The following PTPRQ variants were observed in gnomAD, a reference collection of about 807,000 sequenced individuals.
PTPRQ encodes the protein phosphatidylinositol phosphatase PTPRQ.
Under a neutral mutation model 246.0 loss-of-function variants are expected in PTPRQ, and 199 were observed. That is an observed-to-expected ratio of 0.81 (90% confidence interval 0.72 to 0.91). PTPRQ has a LOEUF of 0.91. Ranked by LOEUF, PTPRQ falls within the 40% of genes least tolerant of loss-of-function variation. The probability of loss-of-function intolerance (pLI) is 0.00; values close to 1 mark genes in which losing one functional copy is unlikely to be tolerated. For synonymous variants in PTPRQ, 869 were observed against 853.2 expected (o/e 1.02, Z -0.32); for missense variants, 2,624 against 2,528.4 (o/e 1.04, Z -0.81).
At chr12:80,533,967 G>A (rs764425546) in intron 17 of PTPRQ, 48 bp from the exon 18 acceptor site, 150 of 1,351,814 alleles carry the variant, frequency 1.1e-4, no homozygotes, top group Admixed American at 3.5e-4. Context: ...AAAAAGTATT[G>A]TTAACTTTTA....
chr12:80,579,097 A>G (rs1156629234), intron 25 of PTPRQ, among the ~76,000 whole-genome samples: 3 of 152,104 alleles, frequency 2.0e-5, no homozygotes, highest in African/African-American at 4.8e-5. Flanking sequence ...TTTTTAACCT[A>G]CCAGATCATT....
intron 26 of PTPRQ, among the ~76,000 whole-genome samples, chr12:80,602,171 T>C (rs1335345887): frequency 3.3e-5 from 5 of 151,774 alleles, no homozygotes; most frequent in Non-Finnish European, 7.4e-5. Flanking sequence ...ACTCCAAAGG[T>C]ATTTGTTCAC....
At chr12:80,578,512 T>A (rs1897337242) in intron 25 of PTPRQ, among the ~76,000 whole-genome samples, 1 of 151,864 alleles carries the variant, frequency 6.6e-6, no homozygotes, top group South Asian at 2.1e-4. Flanking sequence ...TGCCTCAGCC[T>A]CCTGAGTAGC....
At chr12:80,552,569 C>G (rs183707917) in intron 25 of PTPRQ, among the ~76,000 whole-genome samples, 1 of 143,674 alleles carries the variant, frequency 7.0e-6, no homozygotes, top group African/African-American at 2.6e-5. Flanking sequence ...AACTGTGATT[C>G]ATAATCCAAA....
intron 27 of PTPRQ, among the ~76,000 whole-genome samples, chr12:80,605,833 G>A (rs1408614745): frequency 1.3e-5 from 2 of 150,974 alleles, no homozygotes; most frequent in African/African-American, 4.8e-5. Context: ...TATGTTAAGG[G>A]CAGTGGGGTG....
chr12:80,479,209 G>C (rs1222826288), intron 8 of PTPRQ, among the ~76,000 whole-genome samples: 2 of 148,286 alleles, frequency 1.3e-5, no homozygotes, highest in Non-Finnish European at 3.0e-5. Context: ...AGAAGAGAGT[G>C]GGGGCCAATA....
Position 80,496,243 on chromosome 12 carries a change from C to T in PTPRQ, c.1991-7C>T. ...TAGGTACTACAAATGTTCTTTTCTT[C>T]CCCTAGAACCGGAATCATCACCTCA... is the stretch of plus-strand genomic sequence containing the variant. On this transcript the variant is annotated splice_region_variant and splice_polypyrimidine_tract_variant and intron_variant, in intron 13 of 44. Coordinates refer to ENST00000644991, the MANE Select transcript of PTPRQ (RefSeq NM_001145026.2). The T allele has an allele frequency of 6.5e-7, 1 of 1,548,250 alleles. No homozygotes were observed. Among genetic ancestry groups the T allele is most frequent in the African/African-American group, 1.4e-5 (1 of 72,776 alleles).
chr12:80,470,701 G>C (rs578130207), intron 7 of PTPRQ, among the ~76,000 whole-genome samples: 1 of 152,228 alleles, frequency 6.6e-6, no homozygotes, highest in East Asian at 1.9e-4. Context: ...AAGATGGGTA[G>C]AGTGGAAATC....
rs535221787 is a variant in PTPRQ at position 80,543,848 on chromosome 12, T to A, written c.3873+967T>A. The stretch of plus-strand genomic sequence containing the variant: ...AAATTTGTTTCCCAGAGGTGTGAAA[T>A]AACATTAAATGACATGAAGCCTCTT... On this transcript the variant is annotated intron_variant, in intron 23 of 44. Coordinates refer to ENST00000644991, the MANE Select transcript of PTPRQ (RefSeq NM_001145026.2). Among the ~76,000 whole-genome samples, 3 of 152,248 alleles carry A rather than the reference T, an allele frequency of 2.0e-5. No homozygotes were observed. In the East Asian group the frequency reaches 5.8e-4, roughly 29 times the overall value.
At chr12:80,583,812 G>C (rs1897523639) in intron 25 of PTPRQ, 1 of 152,158 alleles carries the variant, frequency 6.6e-6, no homozygotes, top group African/African-American at 2.4e-5. Context: ...ATTTTCTTGT[G>C]TAACTCAGGG....
Position 80,446,504 on chromosome 12 carries a change from T to C in PTPRQ, c.390+787T>C, listed in dbSNP as rs189234115. Among the ~76,000 whole-genome samples the C allele has an allele frequency of 7.2e-4, 110 of 151,904 alleles. 1 individual carries two copies. The highest frequency in any genetic ancestry group is 2.4e-3 in the Admixed American group (37 of 15,208). On this transcript the variant is annotated intron_variant, in intron 3 of 44. Transcript: ENST00000644991. ...GTTACGTGGGTATATTGTGTAATGG[T>C]GGGGTTTGGGCTTCTAGTATACCCA...
intron 18 of PTPRQ, among the ~76,000 whole-genome samples, chr12:80,534,602 C>T (rs1895934727): frequency 6.6e-6 from 1 of 151,746 alleles, no homozygotes; most frequent in Non-Finnish European, 1.5e-5. Context: ...GTATTGGAAA[C>T]CTGTTATAAT....
intron 37 of PTPRQ, among the ~76,000 whole-genome samples, chr12:80,651,721 A>C (rs1900264594): frequency 6.6e-6 from 1 of 152,142 alleles, no homozygotes; most frequent in African/African-American, 2.4e-5. Flanking sequence ...GTGCTCTTTC[A>C]GTCTATTTAA....
At position 80,542,340 on chromosome 12, in the gene PTPRQ, CT is replaced by C; in HGVS notation, c.3701del (p.Phe1234SerfsTer10). 1.9e-6 allele frequency: 3 copies of C among 1,544,204 alleles called. No homozygotes were observed. Among genetic ancestry groups the C allele is most frequent in the Non-Finnish European group, 1.7e-6 (2 of 1,145,304 alleles). On this transcript the variant is annotated frameshift_variant, in exon 22 of 45. Coordinates refer to ENST00000644991, the MANE Select transcript of PTPRQ (RefSeq NM_001145026.2). LOFTEE classifies it high-confidence loss of function. ...AAAAGGACTTGGTCCTTCCAGTATT[CT>C]TTTCTTTTACACAGATGAGTCAGGT... Reference protein sequence around the residue: ...TRKGLGPSSILFFYTDESVPL... With the variant: ...TRKGLGPSSIXFFYTDESVPL...
At chr12:80,660,346 C>T (rs1301650264) in intron 39 of PTPRQ, among the ~76,000 whole-genome samples, 2 of 151,970 alleles carry the variant, frequency 1.3e-5, no homozygotes, top group African/African-American at 4.8e-5. Flanking sequence ...ACTAGGTTAA[C>T]ATGCCAATGT....
At chr12:80,479,451 G>A (rs937615438) in intron 8 of PTPRQ, among the ~76,000 whole-genome samples, 20 of 150,754 alleles carry the variant, frequency 1.3e-4, no homozygotes, top group African/African-American at 3.7e-4. Context: ...ATCGAGACTA[G>A]GAAGAAACTG....
rs1226988559 is a variant in PTPRQ at position 80,542,315 on chromosome 12, A to G, written c.3672A>G (p.Arg1224=). The G allele has an allele frequency of 1.3e-6, 2 of 1,549,282 alleles. No individual in the cohort carries two copies. Among genetic ancestry groups the G allele is most frequent in the East Asian group, 4.9e-5 (2 of 40,854 alleles). The change falls in exon 22 of 45, where the codon AGA becomes AGG. Residue 1224 remains arginine (R), a synonymous_variant. Transcript: ENST00000644991. ...LYSFFAAART[R]KGLGPSSILF... ...GCTTTTTTGCTGCCGCAAGAACTAG[A>G]AAAGGACTTGGTCCTTCCAGTATTC...
chr12:80,463,548 T>C (rs1468415456), intron 6 of PTPRQ, among the ~76,000 whole-genome samples: 5 of 151,930 alleles, frequency 3.3e-5, no homozygotes, highest in Non-Finnish European at 7.4e-5. Context: ...GAAGAGCAAC[T>C]CTAAGACACA....
Position 80,468,689 on chromosome 12 carries a change from TA to T in PTPRQ, c.911-20del, listed in dbSNP as rs1241841816. 4.6e-6 allele frequency: 7 copies of T among 1,517,608 alleles called. No homozygotes were observed. Among genetic ancestry groups the T allele is most frequent in the Non-Finnish European group, 6.2e-6 (7 of 1,133,758 alleles). The allele number at this position is 1,517,608 out of a possible 1,614,324, so 94.0% of individuals were successfully genotyped here. ...TCATTTTAAATATATGTTATGTATT[TA>T]TTTTCTATAATTATTTTAGTGCCTG... is the stretch of plus-strand genomic sequence containing the variant. On this transcript the variant is annotated intron_variant, in intron 6 of 44. Coordinates refer to ENST00000644991, the MANE Select transcript of PTPRQ (RefSeq NM_001145026.2).
Sources: gnomAD v4.1 joint callset for allele counts (sites outside exome capture counted in the v4.1 genomes callset) on GRCh38, gnomAD v4.1.1 for gene constraint, MANE v1.5 for transcripts, NCBI Gene and HGNC (gene_info 2026-07-23, HGNC 2026-07-21) for gene names.